The following WDR7 variants were observed in gnomAD, a reference collection of about 807,000 sequenced individuals.
WDR7 encodes the protein WD repeat domain 7.
WDR7 carries 46 observed loss-of-function variants against 169.4 expected under a neutral mutation model. The ratio of observed to expected loss-of-function variants is 0.27; its 90% CI spans 0.21 to 0.35. WDR7 has a LOEUF of 0.35. WDR7 is among the 10% of genes least tolerant of loss of function. The probability of loss-of-function intolerance (pLI) is 1.00; values close to 1 mark genes in which losing one functional copy is unlikely to be tolerated. For synonymous variants in WDR7, 612 were observed against 666.8 expected, an observed-to-expected ratio of 0.92 and a Z score of 1.27; for missense variants, 1,534 against 1,859.3, an observed-to-expected ratio of 0.83 and a Z score of 3.22.
At chr18:56,894,913 TATG>T (rs1273108823) in intron 21 of WDR7, among the ~76,000 whole-genome samples, 3 of 152,056 alleles carry the variant, frequency 2.0e-5, no homozygotes, top group African/African-American at 7.2e-5. Context: ...GGAAAAAATA[TATG>T]ATTATTTCAA....
At chr18:56,709,413 A>G (rs991428638) in intron 12 of WDR7, among the ~76,000 whole-genome samples, 2 of 152,218 alleles carry the variant, frequency 1.3e-5, no homozygotes, top group African/African-American at 2.4e-5. Context: ...GATAGAATCT[A>G]TGGTATATAA....
intron 22 of WDR7, among the ~76,000 whole-genome samples, chr18:56,932,880 T>G (rs558820524): frequency 8.2e-5 from 10 of 121,606 alleles, no homozygotes; most frequent in African/African-American, 1.4e-4. Flanking sequence ...TCTGGGTGTG[T>G]GTGTGTGTGT....
At chr18:56,709,642 G>C (rs1422340675) in intron 12 of WDR7, among the ~76,000 whole-genome samples, 3 of 152,188 alleles carry the variant, frequency 2.0e-5, no homozygotes, top group Admixed American at 2.0e-4. Context: ...ATTTGATCCT[G>C]AGTAGTCTGA....
chr18:56,895,645 C>T (rs755294259), intron 21 of WDR7, among the ~76,000 whole-genome samples: 4 of 151,554 alleles, frequency 2.6e-5, no homozygotes, highest in Non-Finnish European at 5.9e-5. Flanking sequence ...GTGATTATTA[C>T]ACATTGTATG....
intron 21 of WDR7, among the ~76,000 whole-genome samples, chr18:56,888,729 C>CA (rs1214297333): frequency 1.3e-5 from 2 of 152,202 alleles, no homozygotes; most frequent in African/African-American, 4.8e-5. Context: ...TATGCTGGCA[C>CA]ATCTGTAGTA....
At chr18:56,872,089 G>T (rs1015652073) in intron 20 of WDR7, among the ~76,000 whole-genome samples, 3 of 149,604 alleles carry the variant, frequency 2.0e-5, no homozygotes, top group African/African-American at 7.7e-5. Flanking sequence ...TCAATATATG[G>T]CTCAATAGCA....
intron 26 of WDR7, among the ~76,000 whole-genome samples, chr18:56,984,992 C>T (rs1463241785): frequency 6.6e-6 from 1 of 152,056 alleles, no homozygotes; most frequent in Non-Finnish European, 1.5e-5. Flanking sequence ...CCATTGCTGC[C>T]GACTGCCTGT....
intron 20 of WDR7, among the ~76,000 whole-genome samples, chr18:56,862,478 A>C (rs1168206377): frequency 1.3e-5 from 2 of 151,604 alleles, no homozygotes; most frequent in African/African-American, 4.8e-5. Context: ...TTATTTATAT[A>C]ACATTACCTA....
intron 25 of WDR7, among the ~76,000 whole-genome samples, chr18:56,939,783 G>A (rs2047009409): frequency 6.6e-6 from 1 of 152,006 alleles, no homozygotes; most frequent in Admixed American, 6.6e-5. Flanking sequence ...CACTGATAAA[G>A]TTTATTTTTA....
chr18:56,888,187 T>C (rs1388427056), intron 21 of WDR7, among the ~76,000 whole-genome samples: 2 of 152,242 alleles, frequency 1.3e-5, no homozygotes, highest in African/African-American at 4.8e-5. Flanking sequence ...CACTGATGCG[T>C]AATTCAAAAG....
chr18:56,792,874 G>A (rs982698028), intron 19 of WDR7, among the ~76,000 whole-genome samples: 1 of 151,922 alleles, frequency 6.6e-6, no homozygotes, highest in Admixed American at 6.6e-5. Context: ...TATATATAGG[G>A]CAATTACTAA....
intron 26 of WDR7, among the ~76,000 whole-genome samples, chr18:57,010,862 G>T (rs2048125693): frequency 6.6e-6 from 1 of 152,110 alleles, no homozygotes; most frequent in Non-Finnish European, 1.5e-5. Context: ...GAATCTGGAA[G>T]TTTCCCAGTT....
At chr18:56,799,138 A>G (rs1389248403) in intron 19 of WDR7, among the ~76,000 whole-genome samples, 1 of 152,170 alleles carries the variant, frequency 6.6e-6, no homozygotes, top group Non-Finnish European at 1.5e-5. Context: ...TATTATAGAG[A>G]TGGTGAAGGA....
At chr18:56,944,053 A>G (rs1458099606) in intron 25 of WDR7, among the ~76,000 whole-genome samples, 2 of 141,120 alleles carry the variant, frequency 1.4e-5, no homozygotes, top group Non-Finnish European at 3.0e-5. Flanking sequence ...CAGTGGCGCA[A>G]TCTCGGCTCA....
chr18:57,013,810 C>T (rs1157289109), intron 26 of WDR7, among the ~76,000 whole-genome samples: 1 of 152,194 alleles, frequency 6.6e-6, no homozygotes, highest in African/African-American at 2.4e-5. Context: ...ACATCTCACT[C>T]TCCTAAAGAT....
chr18:56,758,244 A>G (rs1229986332), intron 15 of WDR7, among the ~76,000 whole-genome samples: 1 of 152,230 alleles, frequency 6.6e-6, no homozygotes, highest in Non-Finnish European at 1.5e-5. Context: ...ACAAATACTT[A>G]TATAGCACTT....
At chr18:56,673,852 T>C (rs1387139637) in intron 2 of WDR7, among the ~76,000 whole-genome samples, 5 of 152,008 alleles carry the variant, frequency 3.3e-5, no homozygotes, top group Non-Finnish European at 7.4e-5. Flanking sequence ...CTTCTAATAC[T>C]CATTCTCCCT....
At chr18:56,912,889 T>C (rs182975131) in intron 21 of WDR7, among the ~76,000 whole-genome samples, 108 of 152,112 alleles carry the variant, frequency 7.1e-4, no homozygotes, top group African/African-American at 1.6e-3. Context: ...TAATTTTTTT[T>C]TTTTTGAGAC....
rs922473065 is a variant in WDR7, at chr18:56,765,998, CTTTG to C, written c.2848+7051_2848+7054del. ...CAAGTTTTTGTACATTTGAAAACAT[CTTTG>C]TTTGTCTTTGTTTTTGAAAGCTTTT... is the stretch of plus-strand genomic sequence containing the variant. On this transcript the variant is annotated intron_variant, in intron 16 of 27. Coordinates refer to ENST00000254442, the MANE Select transcript of WDR7 (RefSeq NM_015285.3). Among the ~76,000 whole-genome samples, 17 of 148,398 alleles carry C rather than the reference CTTTG, an allele frequency of 1.1e-4. No individual in the cohort carries two copies. In the East Asian group the frequency reaches 1.8e-3, roughly 16 times the overall value.
Sources: gnomAD v4.1 joint callset for allele counts (sites outside exome capture counted in the v4.1 genomes callset) on GRCh38, gnomAD v4.1.1 for gene constraint, MANE v1.5 for transcripts, NCBI Gene and HGNC (gene_info 2026-07-23, HGNC 2026-07-21) for gene names.